Variants in RSPO2 observed in about 807,000 individuals in gnomAD.
The protein encoded by RSPO2 is R-spondin 2, also known as R-spondin-2.
RSPO2 carries 14 observed loss-of-function variants against 30.9 expected under a neutral mutation model. The observed-to-expected ratio is 0.45, with a 90% CI of 0.30 to 0.71. The LOEUF (loss-of-function observed/expected upper bound fraction) is 0.71, where lower values mean the gene tolerates loss of function less well. Ranked by LOEUF, RSPO2 falls within the 30% of genes least tolerant of loss-of-function variation. The pLI, the probability that RSPO2 is intolerant of heterozygous loss-of-function variation, is 0.08. For missense variants in RSPO2, 264 were observed against 301.9 expected, an observed-to-expected ratio of 0.87 and a Z score of 0.93; for synonymous variants, 107 against 96.4, an observed-to-expected ratio of 1.11 and a Z score of -0.64.
At chr8:108,003,295 ATATATATATATATATATTTTT>A (rs1815323246) in intron 2 of RSPO2, among the ~76,000 whole-genome samples, 4 of 27,446 alleles carry the variant, frequency 1.5e-4, no homozygotes, top group African/African-American at 3.0e-4. Flanking sequence ...ATATATATAT[ATATATATATATATATATTTTT>A]TTTTTTTTTT....
At chr8:108,044,755 G>T (rs537105800) in intron 2 of RSPO2, among the ~76,000 whole-genome samples, 2 of 152,126 alleles carry the variant, frequency 1.3e-5, no homozygotes, top group East Asian at 3.9e-4. Context: ...TGATAGTTCT[G>T]TTTTAAGCTA....
intron 5 of RSPO2, among the ~76,000 whole-genome samples, chr8:107,902,966 A>AG (rs964703132): frequency 3.3e-5 from 5 of 152,112 alleles, no homozygotes; most frequent in Non-Finnish European, 5.9e-5. Context: ...ATGAAACCTT[A>AG]GTTCAAGCCA....
chr8:107,908,949 C>T (rs1811736767), intron 5 of RSPO2, among the ~76,000 whole-genome samples: 2 of 152,182 alleles, frequency 1.3e-5, no homozygotes, highest in Non-Finnish European at 2.9e-5. Flanking sequence ...ATGATCTTCA[C>T]TAACTTCTGG....
intron 2 of RSPO2, among the ~76,000 whole-genome samples, chr8:108,001,146 C>T (rs1815233513): frequency 1.3e-5 from 2 of 152,206 alleles, no homozygotes; most frequent in East Asian, 1.9e-4. Flanking sequence ...GAGCCAAGAT[C>T]GCGCCCCTGC....
In RSPO2 at chr8:107,958,803, CT is replaced by C. The variant is rs147383443; in HGVS notation, c.428-536del. Among the ~76,000 whole-genome samples, 305 of 152,226 alleles carry C rather than the reference CT, an allele frequency of 2.0e-3. 3 individuals carry two copies. Among genetic ancestry groups the C allele is most frequent in the African/African-American group, 6.9e-3 (287 of 41,540 alleles). ...ATAAGTGAGAACGTGCGGTGTTTGG[CT>C]TTCTGTTCCTGCACTAGTTTGCTGA... On this transcript the variant is annotated intron_variant, in intron 4 of 5. Transcript: ENST00000276659.
At chr8:107,920,970 AAAGT>A (rs200962617) in intron 5 of RSPO2, among the ~76,000 whole-genome samples, 3,167 of 152,240 alleles carry the variant, frequency 0.021, 55 homozygotes, top group Non-Finnish European at 0.031. Flanking sequence ...ACTTCTTCAA[AAAGT>A]GTGTACTTTT....
chr8:108,036,765 C>T (rs542912937), intron 2 of RSPO2, among the ~76,000 whole-genome samples: 20 of 152,306 alleles, frequency 1.3e-4, no homozygotes, highest in African/African-American at 4.6e-4. Flanking sequence ...ACCATTCTTC[C>T]AACAGCATGA....
chr8:107,916,128 G>A (rs1811974619), intron 5 of RSPO2, among the ~76,000 whole-genome samples: 1 of 152,148 alleles, frequency 6.6e-6, no homozygotes, highest in Non-Finnish European at 1.5e-5. Flanking sequence ...AGAAAAATAA[G>A]TTCTTAAATC....
chr8:108,044,384 C>T (rs1811846687), intron 2 of RSPO2, among the ~76,000 whole-genome samples: 1 of 152,084 alleles, frequency 6.6e-6, no homozygotes, highest in East Asian at 1.9e-4. Context: ...AATTACCCCC[C>T]TCTCTGTGCA....
chr8:107,975,986 A>T (rs1814195715), intron 3 of RSPO2, among the ~76,000 whole-genome samples: 1 of 152,120 alleles, frequency 6.6e-6, no homozygotes, highest in African/African-American at 2.4e-5. Context: ...GCTGGTAGCC[A>T]CTCCTGCATA....
At chr8:107,901,514 C>A (rs1167921343) in intron 5 of RSPO2, among the ~76,000 whole-genome samples, 1 of 152,170 alleles carries the variant, frequency 6.6e-6, no homozygotes, top group African/African-American at 2.4e-5. Flanking sequence ...CAATGCTACC[C>A]TTTTCTACAC....
chr8:107,939,104 A>G lies in RSPO2; in HGVS notation c.616+18976T>C, dbSNP rs142328163. On this transcript the variant is annotated intron_variant, in intron 5 of 5. Transcript: ENST00000276659. ...TCTGAAGAAAGGAAACATGTTTATG[A>G]GCAAAAATAAGATAATTCTTGCTTG... Among the ~76,000 whole-genome samples, 692 of 152,276 alleles carry G rather than the reference A, an allele frequency of 4.5e-3. 5 individuals carry two copies. The highest frequency in any genetic ancestry group is 0.012 in the African/African-American group (514 of 41,574).
chr8:107,922,706 A>G (rs1354524991), intron 5 of RSPO2, among the ~76,000 whole-genome samples: 1 of 152,090 alleles, frequency 6.6e-6, no homozygotes, highest in Non-Finnish European at 1.5e-5. Flanking sequence ...CATACTATAT[A>G]CTACGGGGCT....
intron 2 of RSPO2, among the ~76,000 whole-genome samples, chr8:108,019,492 A>C (rs766580412): frequency 6.6e-6 from 1 of 152,172 alleles, no homozygotes; most frequent in Non-Finnish European, 1.5e-5. Context: ...TAGGCGTTCC[A>C]CTTTGAGGGT....
At chr8:108,028,339 C>T (rs1811290836) in intron 2 of RSPO2, among the ~76,000 whole-genome samples, 1 of 152,146 alleles carries the variant, frequency 6.6e-6, no homozygotes, top group South Asian at 2.1e-4. Context: ...TCCTTTTCTC[C>T]AATCCTGGAA....
rs1700432260 is a variant in RSPO2 at position 108,042,709 on chromosome 8, C to A, written c.94+39836G>T. 3.9e-5 allele frequency among the ~76,000 whole-genome samples: 6 copies of A among 152,158 alleles called. No individual in the cohort carries two copies. In the South Asian group the frequency reaches 1.2e-3, roughly 32 times the overall value. On this transcript the variant is annotated intron_variant, in intron 2 of 5. Coordinates refer to ENST00000276659, the MANE Select transcript of RSPO2 (RefSeq NM_178565.5). ...CAGGAGGATTCACTAATGGTAAGTG[C>A]AGTATGGCTTTACGGCTGGGGCAAC...
At chr8:108,024,324 A>G (rs73321432) in intron 2 of RSPO2, among the ~76,000 whole-genome samples, 4,449 of 152,266 alleles carry the variant, frequency 0.029, 210 homozygotes, top group African/African-American at 0.1. Context: ...GAGTAATTGG[A>G]TAAGTTGTGG....
chr8:107,971,622 C>T (rs1814002902), intron 3 of RSPO2, among the ~76,000 whole-genome samples: 1 of 152,186 alleles, frequency 6.6e-6, no homozygotes, highest in Non-Finnish European at 1.5e-5. Flanking sequence ...ATCTGGCCTA[C>T]TGAAATCTTT....
chr8:107,926,580 G>A lies in RSPO2; in HGVS notation c.617-25390C>T, dbSNP rs1289942206. ...ATCCATCTTAACTTTTATATAAGGT[G>A]TAAGAAGGGATCCAGTTTCAGCTTT... is the stretch of plus-strand genomic sequence containing the variant. On this transcript the variant is annotated intron_variant, in intron 5 of 5. Coordinates refer to ENST00000276659, the MANE Select transcript of RSPO2 (RefSeq NM_178565.5). Among the ~76,000 whole-genome samples the A allele has an allele frequency of 1.5e-3, 226 of 152,048 alleles. 3 individuals carry two copies. Among genetic ancestry groups the A allele is most frequent in the Non-Finnish European group, 1.8e-4 (12 of 68,004 alleles).
Sources: allele counts gnomAD v4.1 joint callset (sites outside exome capture counted in the v4.1 genomes callset), GRCh38; gene constraint gnomAD v4.1.1; transcripts MANE v1.5; gene names NCBI Gene and HGNC (gene_info 2026-07-23, HGNC 2026-07-21).